SPATS2: variants seen among roughly 807,000 people sequenced by gnomAD.
SPATS2 encodes the protein spermatogenesis associated serine rich 2.
A neutral mutation model predicts 63.7 loss-of-function variants in SPATS2; 38 were observed. The ratio of observed to expected loss-of-function variants is 0.60; its 90% confidence interval spans 0.46 to 0.78. The LOEUF (loss-of-function observed/expected upper bound fraction) is 0.78. Among genes scored for constraint, SPATS2 ranks in the 30% least tolerant of loss-of-function variants. The pLI is 0.00. For missense variants in SPATS2, 588 were observed against 666.2 expected (o/e 0.88, Z 1.29); for synonymous variants, 207 against 232.9 (o/e 0.89, Z 1.01).
chr12:49,484,507 A>G, intron 3 of SPATS2, 83 bp from the exon 4 acceptor site: 1 of 1,362,952 alleles, frequency 7.3e-7, no homozygotes, highest in Non-Finnish European at 1.0e-6. Flanking sequence ...TTATGGGACG[A>G]AAGCAGCCAG....
At chr12:49,403,325 C>T (rs1023532270) in intron 2 of SPATS2, among the ~76,000 whole-genome samples, 10 of 151,966 alleles carry the variant, frequency 6.6e-5, no homozygotes, top group Non-Finnish European at 1.0e-4. Context: ...GTTATTTCAG[C>T]GATTCAAAAA....
At chr12:49,462,699 G>C (rs778481270) in intron 3 of SPATS2, 25 of 546,358 alleles carry the variant, frequency 4.6e-5, no homozygotes, top group Non-Finnish European at 7.8e-5. Flanking sequence ...GCTGAAAAGG[G>C]GTTGGTGGGG....
chr12:49,454,578 C>T (rs2137635755), intron 2 of SPATS2, among the ~76,000 whole-genome samples: 1 of 152,250 alleles, frequency 6.6e-6, no homozygotes, highest in East Asian at 1.9e-4. Flanking sequence ...CACATATCAC[C>T]AAGTTTAAAA....
At chr12:49,501,908 C>T (rs1451712440) in intron 9 of SPATS2, among the ~76,000 whole-genome samples, 2 of 152,060 alleles carry the variant, frequency 1.3e-5, no homozygotes, top group Non-Finnish European at 2.9e-5. Flanking sequence ...AGTGAGCCAC[C>T]GTGCCCAGCT....
At chr12:49,501,784 T>A (rs566993840) in intron 9 of SPATS2, among the ~76,000 whole-genome samples, 3 of 151,950 alleles carry the variant, frequency 2.0e-5, no homozygotes, top group South Asian at 4.1e-4. Flanking sequence ...CCTGGCTAAT[T>A]TTTTGTGTGT....
intron 2 of SPATS2, among the ~76,000 whole-genome samples, chr12:49,402,394 A>ATTTT (rs915233022): frequency 1.5e-4 from 23 of 152,244 alleles, no homozygotes; most frequent in African/African-American, 4.6e-4. Context: ...GGGTCAAAGG[A>ATTTT]TTTTTAGAGT....
intron 2 of SPATS2, among the ~76,000 whole-genome samples, chr12:49,405,309 A>G (rs1944675405): frequency 6.6e-6 from 1 of 152,158 alleles, no homozygotes; most frequent in African/African-American, 2.4e-5. Context: ...CAGTGTCAAA[A>G]TTTAAACCCA....
chr12:49,434,399 T>TA (rs1945237829), intron 2 of SPATS2, among the ~76,000 whole-genome samples: 1 of 152,074 alleles, frequency 6.6e-6, no homozygotes, highest in African/African-American at 2.4e-5. Flanking sequence ...ACCCAAAACT[T>TA]ATCATCACCC....
At chr12:49,514,025 C>T (rs1205171057) in intron 9 of SPATS2, among the ~76,000 whole-genome samples, 5 of 151,904 alleles carry the variant, frequency 3.3e-5, no homozygotes, top group African/African-American at 9.7e-5. Context: ...AGCGTGGTGG[C>T]GGGCGCCTGT....
intron 2 of SPATS2, among the ~76,000 whole-genome samples, chr12:49,404,103 T>C (rs1944654496): frequency 6.6e-6 from 1 of 152,144 alleles, no homozygotes; most frequent in Non-Finnish European, 1.5e-5. Flanking sequence ...AAGTTCCTGC[T>C]TGCATGGATT....
chr12:49,437,598 T>G (rs2137531963), intron 2 of SPATS2, among the ~76,000 whole-genome samples: 1 of 152,310 alleles, frequency 6.6e-6, no homozygotes, highest in Admixed American at 6.5e-5. Flanking sequence ...AGGCCAAGGC[T>G]GGCGGATCAC....
chr12:49,508,821 T>C (rs1349110746), intron 9 of SPATS2, among the ~76,000 whole-genome samples: 1 of 151,772 alleles, frequency 6.6e-6, no homozygotes, highest in Non-Finnish European at 1.5e-5. Flanking sequence ...CTCAGCACTT[T>C]GGGAGGCCAA....
intron 2 of SPATS2, among the ~76,000 whole-genome samples, chr12:49,407,372 C>CTA (rs1944715031): frequency 1.3e-5 from 2 of 152,140 alleles, no homozygotes; most frequent in South Asian, 4.1e-4. Context: ...AGAGTAAAAG[C>CTA]TAAAGTTGTG....
intron 11 of SPATS2, among the ~76,000 whole-genome samples, chr12:49,521,344 GTGTTGT>G (rs1231696434): frequency 1.1e-4 from 16 of 152,330 alleles, no homozygotes; most frequent in Admixed American, 9.8e-4. Context: ...CTGTGGAGTG[GTGTTGT>G]TCTCTCACTG....
chr12:49,385,878 T>G (rs1269356248), intron 2 of SPATS2, among the ~76,000 whole-genome samples: 10 of 151,298 alleles, frequency 6.6e-5, no homozygotes, highest in Admixed American at 2.0e-4. Context: ...TTTTTTGTTT[T>G]TTTTTTTTGA....
chr12:49,436,267 G>T (rs1481612192), intron 2 of SPATS2, among the ~76,000 whole-genome samples: 1 of 148,630 alleles, frequency 6.7e-6, no homozygotes, highest in African/African-American at 2.5e-5. Flanking sequence ...TGGCCGGGCG[G>T]GGGGCTGACC....
intron 2 of SPATS2, among the ~76,000 whole-genome samples, chr12:49,395,073 G>A (rs964225453): frequency 7.2e-5 from 11 of 151,972 alleles, no homozygotes; most frequent in Admixed American, 2.0e-4. Flanking sequence ...ACTCTGTCTC[G>A]GGGGATAAAA....
At chr12:49,492,442 G>A (rs1044949325) in intron 6 of SPATS2, among the ~76,000 whole-genome samples, 6 of 151,760 alleles carry the variant, frequency 4.0e-5, no homozygotes, top group African/African-American at 1.2e-4. Flanking sequence ...GGCTGGTGTC[G>A]AACGCCTGAC....
intron 2 of SPATS2, among the ~76,000 whole-genome samples, chr12:49,409,710 C>A (rs1312135718): frequency 6.9e-6 from 1 of 143,942 alleles, no homozygotes; most frequent in Non-Finnish European, 1.5e-5. Context: ...TCAAGCAATT[C>A]TCCTGCCTCA....
Sources: gnomAD v4.1 joint callset for allele counts (sites outside exome capture counted in the v4.1 genomes callset) on GRCh38, gnomAD v4.1.1 for gene constraint, MANE v1.5 for transcripts, NCBI Gene and HGNC (gene_info 2026-07-23, HGNC 2026-07-21) for gene names.